Variants in DNAJC9 observed in about 807,000 individuals in gnomAD.
The protein encoded by DNAJC9 is DnaJ heat shock protein family (Hsp40) member C9.
In DNAJC9, 18 loss-of-function variants were observed where a neutral mutation model predicts 32.4. The ratio of observed to expected loss-of-function variants is 0.56; its 90% confidence interval spans 0.38 to 0.82. The LOEUF (loss-of-function observed/expected upper bound fraction) is 0.82. DNAJC9 is among the 40% of genes least tolerant of loss of function. The pLI is 0.00. For missense variants in DNAJC9, 310 were observed against 321.8 expected (o/e 0.96, Z 0.28); for synonymous variants, 113 against 122.1 (o/e 0.93, Z 0.49).
intron 4 of DNAJC9, 105 bp downstream of exon 4, chr10:73,243,738 T>C (rs188683190): frequency 3.4e-5 from 40 of 1,162,438 alleles, no homozygotes; most frequent in Non-Finnish European, 4.8e-5. Context: ...ATAGAAGGTA[T>C]GCGGTTATGT....
At chr10:73,239,411 T>TA, downstream of DNAJC9, 1 of 1,526,218 alleles carries the variant, frequency 6.6e-7, no homozygotes, top group Non-Finnish European at 8.9e-7. Context: ...GGCCCTTATT[T>TA]ACTACTGTGT....
At chr10:73,243,797 T>C (rs771451161) in intron 4 of DNAJC9, 46 bp downstream of exon 4, 1 of 1,500,910 alleles carries the variant, frequency 6.7e-7, no homozygotes, top group South Asian at 1.2e-5. Flanking sequence ...ATATTAGCAG[T>C]AGGAATCAGA....
chr10:73,241,138 G>A (rs536479123), downstream of DNAJC9: 1 of 705,772 alleles, frequency 1.4e-6, no homozygotes, highest in Non-Finnish European at 2.5e-6. Context: ...TTCATGAAGA[G>A]TGATTTTGGC....
Position 73,246,039 on chromosome 10 carries a change from G to T in DNAJC9, c.459C>A (p.Tyr153Ter). ...QIMESVLCVQYTEEPRIRNII... is the reference protein window; with the variant it reads ...QIMESVLCVQ The stretch of plus-strand genomic sequence containing the variant: ...TATTCCTTATCCTGGGTTCCTCTGT[G>T]TACTGCACGCAAAGCACAGACTCCA... Residue 153 changes from tyrosine (Y) to a stop codon, truncating the protein, a stop_gained, in exon 3 of 5, where the codon TAC becomes TAA. Transcript: ENST00000372950. LOFTEE classifies it high-confidence loss of function. The T allele has an allele frequency of 2.5e-6, 4 of 1,613,840 alleles. No individual in the cohort carries two copies. The highest frequency in any genetic ancestry group is 2.5e-6 in the Non-Finnish European group (3 of 1,179,842).
At chr10:73,236,126 C>T (rs2043814886), downstream of DNAJC9, among the ~76,000 whole-genome samples, 1 of 152,196 alleles carries the variant, frequency 6.6e-6, no homozygotes, top group South Asian at 2.1e-4. Context: ...GGCTAAAGCA[C>T]TGCAAAGTTT....
At chr10:73,236,160 G>A (rs1208943442), downstream of DNAJC9, among the ~76,000 whole-genome samples, 1 of 152,154 alleles carries the variant, frequency 6.6e-6, no homozygotes, top group Non-Finnish European at 1.5e-5. Flanking sequence ...AGAGTGGTAA[G>A]GATAATCAAT....
chr10:73,247,253 A>C lies in DNAJC9; in HGVS notation c.-64T>G. 6.5e-7 allele frequency: 1 copy of C among 1,542,940 alleles called. No homozygotes were observed. The highest frequency in any genetic ancestry group is 8.8e-7 in the Non-Finnish European group (1 of 1,142,490). On this transcript the variant is annotated 5_prime_UTR_variant, in exon 1 of 5. Transcript: ENST00000372950. Reference sequence around the variant, plus strand: ...CCAGCTGCGCCGGGTACAACCCAGGACTGCTTCTTTTTCGCGCCCAAAAAG... The same window carrying C: ...CCAGCTGCGCCGGGTACAACCCAGGCCTGCTTCTTTTTCGCGCCCAAAAAG...
At chr10:73,245,561 T>C (rs919549592) in intron 3 of DNAJC9, among the ~76,000 whole-genome samples, 1 of 152,226 alleles carries the variant, frequency 6.6e-6, no homozygotes, top group Admixed American at 6.5e-5. Flanking sequence ...ATTCTCTTCT[T>C]ACCCCCTCAA....
chr10:73,243,312 GA>G lies in DNAJC9; in HGVS notation c.*87del, dbSNP rs1271010327. ...GGAAAGACACCTTTTCTCAAGAGCTGAATTGACTTTTGCCTTCAAATCCTGC... is the reference window on the plus strand; with the variant it reads ...GGAAAGACACCTTTTCTCAAGAGCTGATTGACTTTTGCCTTCAAATCCTGC... On this transcript the variant is annotated 3_prime_UTR_variant, in exon 5 of 5. Transcript: ENST00000372950. 1 of 1,477,398 alleles carries G rather than the reference GA, an allele frequency of 6.8e-7. No individual in the cohort carries two copies. Among genetic ancestry groups the G allele is most frequent in the Non-Finnish European group, 9.3e-7 (1 of 1,079,022 alleles). 91.5% of individuals were successfully genotyped at this position (1,477,398 alleles called of 1,614,324 possible).
Position 73,247,174 on chromosome 10 carries a change from G to A in DNAJC9, c.16C>T (p.Leu6Phe), listed in dbSNP as rs201308148. Reference sequence around the variant, plus strand: ...GCGGTGCCGAACACTTCCTCGCAAAGGTCCAGCAGCCCCATGCCGGGCGGA... The same window carrying A: ...GCGGTGCCGAACACTTCCTCGCAAAAGTCCAGCAGCCCCATGCCGGGCGGA... MGLLDLCEEVFGTADL... is the reference protein window; with the variant it reads MGLLDFCEEVFGTADL... Residue 6 changes from leucine (L) to phenylalanine (F), a missense_variant, in exon 1 of 5, where the codon CTT becomes TTT. By Grantham distance (22) the Leu-to-Phe change is conservative. Transcript: ENST00000372950. 1.3e-6 allele frequency: 2 copies of A among 1,595,444 alleles called. No homozygotes were observed. Among genetic ancestry groups the A allele is most frequent in the South Asian group, 2.3e-5 (2 of 88,472 alleles).
At chr10:73,246,547 TG>T in intron 2 of DNAJC9, 140 bp downstream of exon 2, 2 of 917,834 alleles carry the variant, frequency 2.2e-6, no homozygotes, top group Non-Finnish European at 3.4e-6. Context: ...TAAGCGTGCG[TG>T]TATCTGTATT....
intron 2 of DNAJC9, chr10:73,233,092 T>C (rs993432121): frequency 1.3e-6 from 2 of 1,551,638 alleles, no homozygotes; most frequent in South Asian, 1.2e-5. Flanking sequence ...GAACTCTTCA[T>C]CCGATCAGCA....
At chr10:73,233,216 A>G in intron 2 of DNAJC9, 4 of 1,212,602 alleles carry the variant, frequency 3.3e-6, no homozygotes, top group Non-Finnish European at 4.8e-6. Flanking sequence ...AACACATTTT[A>G]CATACAGAAT....
chr10:73,233,928 A>G (rs1447888747), downstream of DNAJC9, among the ~76,000 whole-genome samples: 1 of 152,236 alleles, frequency 6.6e-6, no homozygotes. Context: ...AGTTGCTTAC[A>G]TACCAGCAAA....
intron 2 of DNAJC9, 105 bp from the exon 3 acceptor site, chr10:73,246,281 G>T (rs985000799): frequency 8.0e-7 from 1 of 1,256,338 alleles, no homozygotes; most frequent in African/African-American, 1.5e-5. Flanking sequence ...TACAACAGTT[G>T]CTTGAGTTGA....
At chr10:73,246,665 A>C in intron 2 of DNAJC9, 23 bp downstream of exon 2, 1 of 1,613,726 alleles carries the variant, frequency 6.2e-7, no homozygotes, top group Non-Finnish European at 8.5e-7. Flanking sequence ...AACAGTCACA[A>C]AGAAACCTCC....
At chr10:73,240,582 G>GATGCCTGTAGTCCC, downstream of DNAJC9, among the ~76,000 whole-genome samples, 1 of 152,142 alleles carries the variant, frequency 6.6e-6, no homozygotes, top group South Asian at 2.1e-4. Flanking sequence ...TGTGGTGGCA[G>GATGCCTGTAGTCCC]ATGCCTGTAG....
rs570859647 is a variant in DNAJC9 at position 73,243,159 on chromosome 10, C to T, written c.*241G>A. ...TGTCAGGAAGGACACTGCCTCCCTCCACCCTCCCAAATGTCACCACCAAGT... is the reference window on the plus strand; with the variant it reads ...TGTCAGGAAGGACACTGCCTCCCTCTACCCTCCCAAATGTCACCACCAAGT... On this transcript the variant is annotated 3_prime_UTR_variant, in exon 5 of 5. Transcript: ENST00000372950. 11 of 462,390 alleles carry T rather than the reference C, an allele frequency of 2.4e-5. No homozygotes were observed. The East Asian group carries it at 4.7e-4, about 20-fold the overall frequency. The allele number at this position is 462,390 out of a possible 1,614,324, so 28.6% of individuals were successfully genotyped here.
downstream of DNAJC9, among the ~76,000 whole-genome samples, chr10:73,236,849 G>A (rs1217816901): frequency 6.6e-6 from 1 of 151,792 alleles, no homozygotes; most frequent in Non-Finnish European, 1.5e-5. Flanking sequence ...CTGAGTAGCT[G>A]GGACTACAGG....
Sources: gnomAD v4.1 joint callset for allele counts (sites outside exome capture counted in the v4.1 genomes callset) on GRCh38, gnomAD v4.1.1 for gene constraint, MANE v1.5 for transcripts, NCBI Gene and HGNC (gene_info 2026-07-23, HGNC 2026-07-21) for gene names.